OR56B4: variants seen among roughly 807,000 people sequenced by gnomAD.
OR56B4 encodes the protein olfactory receptor 56B4.
For synonymous variants in OR56B4, 142 were observed against 149.5 expected (o/e 0.95, Z 0.37); for missense variants, 447 against 384.6 (o/e 1.16, Z -1.36).
rs767134860 is a variant in OR56B4, at chr11:6,108,457, A to G, written c.679A>G (p.Ile227Val). The change falls in exon 1 of 1, where the codon ATC becomes GTC. Residue 227 changes from isoleucine to valine, a missense_variant. Ile to Val is a conservative substitution (Grantham distance 29, BLOSUM62 3). Transcript: ENST00000316529. ...TCTGGTATTTTCTTCCTATGCTGTAATCCTTCACTCTGTGCTGAGGCTGAA... is the reference window on the plus strand; with the variant it reads ...TCTGGTATTTTCTTCCTATGCTGTAGTCCTTCACTCTGTGCTGAGGCTGAA... ...MALVFSSYAV[I>V]LHSVLRLNSA... 9.3e-6 allele frequency: 15 copies of G among 1,614,034 alleles called. No individual in the cohort carries two copies. Among genetic ancestry groups the G allele is most frequent in the Admixed American group, 1.7e-5 (1 of 60,004 alleles).
At position 6,108,189 on chromosome 11, in the gene OR56B4, G is replaced by T; in HGVS notation, c.411G>T (p.Gln137His). ...ACATAGCCATCTGTCGCCCTCTTCA[G>T]TACCCCTCCATAGTCACTAAAGCTT... is the stretch of plus-strand genomic sequence containing the variant. ...DRYIAICRPL[Q>H]YPSIVTKAFV... Residue 137 changes from glutamine to histidine, a missense_variant, in exon 1 of 1, where the codon CAG (glutamine) becomes CAT (histidine). Physicochemically the swap from Gln to His is conservative, Grantham distance 24. Coordinates refer to ENST00000316529, the MANE Select transcript of OR56B4 (RefSeq NM_001005181.2). 1.9e-6 allele frequency: 3 copies of T among 1,614,124 alleles called. No homozygotes were observed. In the South Asian group the frequency reaches 3.3e-5, roughly 18 times the overall value.
In OR56B4 at chr11:6,108,108, C is replaced by T. The variant is rs1055207518; in HGVS notation, c.330C>T (p.Ile110=). 17 of 1,613,960 alleles carry T rather than the reference C, an allele frequency of 1.1e-5. No individual in the cohort carries two copies. Among genetic ancestry groups the T allele is most frequent in the Non-Finnish European group, 1.4e-5 (16 of 1,180,004 alleles). The change falls in exon 1 of 1, where the codon ATC becomes ATT. Residue 110 remains isoleucine, a synonymous_variant. Transcript: ENST00000316529. ...LPMCFAQIYA[I]HCFFCIESGI... The stretch of plus-strand genomic sequence containing the variant: ...TGTGTTTTGCTCAGATCTATGCCAT[C>T]CACTGCTTCTTCTGCATAGAGTCAG...
Position 6,108,831 on chromosome 11 carries a change from C to A in OR56B4, c.*93C>A, listed in dbSNP as rs1849033204. 7.6e-6 allele frequency: 9 copies of A among 1,186,102 alleles called. No homozygotes were observed. The highest frequency in any genetic ancestry group is 1.1e-5 in the Non-Finnish European group (9 of 840,354). The allele number at this position is 1,186,102 out of a possible 1,614,324, so 73.5% of individuals were successfully genotyped here. On this transcript the variant is annotated 3_prime_UTR_variant, in exon 1 of 1. Coordinates refer to ENST00000316529, the MANE Select transcript of OR56B4 (RefSeq NM_001005181.2). ...TTATAATCTGCACTTACCACACTCC[C>A]TAGGAAAAAAATGGCCAATAAAATC...
chr11:6,108,016 GCCA>G lies in OR56B4; in HGVS notation c.245_247del (p.Thr82del), dbSNP rs1564832184. On this transcript the variant is annotated inframe_deletion, in exon 1 of 1. Coordinates refer to ENST00000316529, the MANE Select transcript of OR56B4 (RefSeq NM_001005181.2). ...ATTAGCAGTGGTGGACATTGGCCTG[GCCA>G]CCACCATCATGCCCAAGATCCTGGC... 1 of 1,614,040 alleles carries G rather than the reference GCCA, an allele frequency of 6.2e-7. No individual in the cohort carries two copies.
Position 6,107,977 on chromosome 11 carries a change from C to T in OR56B4, c.199C>T (p.His67Tyr). The T allele has an allele frequency of 1.9e-6, 3 of 1,614,000 alleles. No individual in the cohort carries two copies. Among genetic ancestry groups the T allele is most frequent in the Non-Finnish European group, 2.5e-6 (3 of 1,179,944 alleles). ...HETVLHEPMY[H>Y]LLGILAVVDI... Reference sequence around the variant, plus strand: ...GACCGTGCTACATGAACCCATGTACCATTTGCTGGGCATATTAGCAGTGGT... The same window carrying T: ...GACCGTGCTACATGAACCCATGTACTATTTGCTGGGCATATTAGCAGTGGT... The change falls in exon 1 of 1, where the codon CAT (histidine) becomes TAT (tyrosine). Residue 67 changes from histidine to tyrosine, a missense_variant. Physicochemically the swap from His to Tyr is moderately conservative, Grantham distance 83. Coordinates refer to ENST00000316529, the MANE Select transcript of OR56B4 (RefSeq NM_001005181.2).
In OR56B4 at chr11:6,107,777, C is replaced by G; in HGVS notation, c.-2C>G. 1.1e-5 allele frequency: 17 copies of G among 1,604,046 alleles called. 1 individual carries two copies. The highest frequency in any genetic ancestry group is 1.4e-5 in the Non-Finnish European group (16 of 1,174,308). Reference sequence around the variant, plus strand: ...AGACACTGAGACTGAGGCACCCATTCCATGGATACCTCCACCAGTGTTACC... The same window carrying G: ...AGACACTGAGACTGAGGCACCCATTGCATGGATACCTCCACCAGTGTTACC... On this transcript the variant is annotated 5_prime_UTR_variant, in exon 1 of 1. Transcript: ENST00000316529.
rs1410141046 is a variant in OR56B4 at position 6,108,010 on chromosome 11, G to A, written c.232G>A (p.Gly78Ser). The change falls in exon 1 of 1, where the codon GGC (glycine) becomes AGC (serine). Residue 78 changes from glycine to serine, a missense_variant. Transcript: ENST00000316529. The part of the protein sequence containing the change: ...LLGILAVVDI[G>S]LATTIMPKIL... ...GGGCATATTAGCAGTGGTGGACATTGGCCTGGCCACCACCATCATGCCCAA... is the reference window on the plus strand; with the variant it reads ...GGGCATATTAGCAGTGGTGGACATTAGCCTGGCCACCACCATCATGCCCAA... The A allele has an allele frequency of 6.2e-7, 1 of 1,613,912 alleles. No individual in the cohort carries two copies. Among genetic ancestry groups the A allele is most frequent in the Admixed American group, 1.7e-5 (1 of 60,002 alleles).
rs1346285883 is a variant in OR56B4 at position 6,108,471 on chromosome 11, G to C, written c.693G>C (p.Val231=). 2 of 1,614,068 alleles carry C rather than the reference G, an allele frequency of 1.2e-6. No homozygotes were observed. Among genetic ancestry groups the C allele is most frequent in the Admixed American group, 3.3e-5 (2 of 60,010 alleles). ...FSSYAVILHS[V]LRLNSAEAMS... ...CCTATGCTGTAATCCTTCACTCTGT[G>C]CTGAGGCTGAACTCAGCAGAAGCAA... The change falls in exon 1 of 1, where the codon GTG becomes GTC. Residue 231 remains valine (V), a synonymous_variant. Transcript: ENST00000316529.
rs749350316 is a variant in OR56B4, at chr11:6,108,305, C to T, written c.527C>T (p.Ser176Phe). 6.2e-7 allele frequency: 1 copy of T among 1,614,168 alleles called. No homozygotes were observed. The highest frequency in any genetic ancestry group is 2.2e-5 in the East Asian group (1 of 44,888). Residue 176 changes from serine (S) to phenylalanine (F), a missense_variant, in exon 1 of 1, where the codon TCC becomes TTC. Coordinates refer to ENST00000316529, the MANE Select transcript of OR56B4 (RefSeq NM_001005181.2). The stretch of plus-strand genomic sequence containing the variant: ...CTGGCTGCCCAGAGACACTACTGTT[C>T]CAGGAATGAAATCGAGCACTGCCTC... Reference protein sequence around the residue: ...PILAAQRHYCSRNEIEHCLCS... With the variant: ...PILAAQRHYCFRNEIEHCLCS...
In OR56B4 at chr11:6,108,235, T is replaced by C; in HGVS notation, c.457T>C (p.Phe153Leu). The change falls in exon 1 of 1, where the codon TTC becomes CTC. Residue 153 changes from phenylalanine to leucine, a missense_variant. Coordinates refer to ENST00000316529, the MANE Select transcript of OR56B4 (RefSeq NM_001005181.2). ...TKAFVFKATG[F>L]IMLRNGLLTI... Reference sequence around the variant, plus strand: ...AGCTTTTGTCTTCAAAGCCACAGGGTTCATCATGCTCAGGAATGGCCTGTT... The same window carrying C: ...AGCTTTTGTCTTCAAAGCCACAGGGCTCATCATGCTCAGGAATGGCCTGTT... 1.2e-6 allele frequency: 2 copies of C among 1,614,146 alleles called. No individual in the cohort carries two copies. Among genetic ancestry groups the C allele is most frequent in the Non-Finnish European group, 1.7e-6 (2 of 1,180,030 alleles).
Position 6,107,969 on chromosome 11 carries a change from C to A in OR56B4, c.191C>A (p.Pro64His). 2 of 1,613,372 alleles carry A rather than the reference C, an allele frequency of 1.2e-6. No homozygotes were observed. The highest frequency in any genetic ancestry group is 1.7e-6 in the Non-Finnish European group (2 of 1,179,342). The change falls in exon 1 of 1, where the codon CCC (proline) becomes CAC (histidine). Residue 64 changes from proline to histidine, a missense_variant. Physicochemically the swap from Pro to His is moderately conservative, Grantham distance 77. Coordinates refer to ENST00000316529, the MANE Select transcript of OR56B4 (RefSeq NM_001005181.2). ...TIQHETVLHE[P>H]MYHLLGILAV... ...CAACATGAGACCGTGCTACATGAAC[C>A]CATGTACCATTTGCTGGGCATATTA...
At position 6,107,949 on chromosome 11, in the gene OR56B4, T is replaced by C; in HGVS notation, c.171T>C (p.His57=). 6.2e-7 allele frequency: 1 copy of C among 1,613,918 alleles called. No homozygotes were observed. The highest frequency in any genetic ancestry group is 8.5e-7 in the Non-Finnish European group (1 of 1,179,866). Residue 57 remains histidine, a synonymous_variant, in exon 1 of 1, where the codon CAT becomes CAC. Transcript: ENST00000316529. ...ANLLIIITIQ[H]ETVLHEPMYH... is the part of the protein sequence containing the mutation. ...TCCTCATCATAATCACCATTCAACA[T>C]GAGACCGTGCTACATGAACCCATGT...
chr11:6,108,596 T>C lies in OR56B4; in HGVS notation c.818T>C (p.Ile273Thr), dbSNP rs751700720. ...GTCACACACCTTGCAGAGAAAAAGA[T>C]TCCCCTTATTCCTGTGTTCCTTAAT... ...LSVTHLAEKK[I>T]PLIPVFLNVL... is the part of the protein sequence containing the mutation. Residue 273 changes from isoleucine to threonine, a missense_variant, in exon 1 of 1, where the codon ATT becomes ACT. Ile to Thr is a moderately conservative substitution (Grantham distance 89). Coordinates refer to ENST00000316529, the MANE Select transcript of OR56B4 (RefSeq NM_001005181.2). 1.9e-6 allele frequency: 3 copies of C among 1,614,010 alleles called. No individual in the cohort carries two copies. In the South Asian group the frequency reaches 3.3e-5, roughly 18 times the overall value.
Position 6,108,640 on chromosome 11 carries a change from C to T in OR56B4, c.862C>T (p.Pro288Ser), listed in dbSNP as rs770252407. Residue 288 changes from proline to serine, a missense_variant, in exon 1 of 1, where the codon CCC becomes TCC. Physicochemically the swap from Pro to Ser is moderately conservative, Grantham distance 74 (BLOSUM62 -1). Coordinates refer to ENST00000316529, the MANE Select transcript of OR56B4 (RefSeq NM_001005181.2). ...CCTTAATGTGCTGCACAATGTCATC[C>T]CCCCTGCACTCAACCCCCTGGCCTG... ...VFLNVLHNVI[P>S]PALNPLACAL... The T allele has an allele frequency of 5.4e-5, 87 of 1,613,938 alleles. No homozygotes were observed. Among genetic ancestry groups the T allele is most frequent in the East Asian group, 8.9e-5 (4 of 44,888 alleles).
chr11:6,107,859 T>G lies in OR56B4; in HGVS notation c.81T>G (p.His27Gln), dbSNP rs1223694053. ...TCCTGATGGGATTACCAGGCATTCA[T>G]GAGTGGCAGCACTGGCTCTCCCTGC... ...QFILMGLPGI[H>Q]EWQHWLSLPL... Residue 27 changes from histidine to glutamine, a missense_variant, in exon 1 of 1, where the codon CAT (histidine) becomes CAG (glutamine). Coordinates refer to ENST00000316529, the MANE Select transcript of OR56B4 (RefSeq NM_001005181.2). 6.2e-7 allele frequency: 1 copy of G among 1,614,042 alleles called. No homozygotes were observed. Among genetic ancestry groups the G allele is most frequent in the African/African-American group, 1.3e-5 (1 of 74,938 alleles).
chr11:6,107,812 A>C lies in OR56B4; in HGVS notation c.34A>C (p.Ser12Arg). 6.2e-7 allele frequency: 1 copy of C among 1,613,510 alleles called. No individual in the cohort carries two copies. The highest frequency in any genetic ancestry group is 8.5e-7 in the Non-Finnish European group (1 of 1,179,600). The change falls in exon 1 of 1, where the codon AGC becomes CGC. Residue 12 changes from serine to arginine, a missense_variant. Transcript: ENST00000316529. Reference sequence around the variant, plus strand: ...CTCCACCAGTGTTACCTATGACTCCAGCCTCCAGATTTCCCAGTTCATCCT... The same window carrying C: ...CTCCACCAGTGTTACCTATGACTCCCGCCTCCAGATTTCCCAGTTCATCCT... ...DTSTSVTYDS[S>R]LQISQFILMG...
At position 6,108,786 on chromosome 11, in the gene OR56B4, T is replaced by C; in HGVS notation, c.*48T>C. On this transcript the variant is annotated 3_prime_UTR_variant, in exon 1 of 1. Coordinates refer to ENST00000316529, the MANE Select transcript of OR56B4 (RefSeq NM_001005181.2). ...AGATGTTAGGAAATGACAGAGGTTT[T>C]AGTTCTCAATAGATCAGGGTTATAA... 1.9e-6 allele frequency: 3 copies of C among 1,571,250 alleles called. No homozygotes were observed. Among genetic ancestry groups the C allele is most frequent in the East Asian group, 2.2e-5 (1 of 44,560 alleles).
rs1445496212 is a variant in OR56B4, at chr11:6,107,710, CCT to C, written c.-68_-67del. 2.0e-6 allele frequency: 3 copies of C among 1,469,490 alleles called. No homozygotes were observed. The African/African-American group carries it at 4.2e-5, about 20-fold the overall frequency. 91.0% of individuals were successfully genotyped at this position (1,469,490 alleles called of 1,614,324 possible). A position where few individuals can be genotyped will look rare whatever the true frequency, so the allele number is the denominator to read the frequency against. ...CAGGCATGAACCACGATGCTCAGCCCCTTAGCTGAACTTTTAAACAGAGATTT... is the reference window on the plus strand; with the variant it reads ...CAGGCATGAACCACGATGCTCAGCCCTAGCTGAACTTTTAAACAGAGATTT... On this transcript the variant is annotated 5_prime_UTR_variant, in exon 1 of 1. The change creates a premature stop within an existing upstream ORF in the 5' untranslated region. Coordinates refer to ENST00000316529, the MANE Select transcript of OR56B4 (RefSeq NM_001005181.2).
At position 6,107,888 on chromosome 11, in the gene OR56B4, T is replaced by C. The variant is rs777838525; in HGVS notation, c.110T>C (p.Leu37Pro). The change falls in exon 1 of 1, where the codon CTG (leucine) becomes CCG (proline). Residue 37 changes from leucine to proline, a missense_variant. Leu to Pro is a moderately conservative substitution (Grantham distance 98). Coordinates refer to ENST00000316529, the MANE Select transcript of OR56B4 (RefSeq NM_001005181.2). Reference sequence around the variant, plus strand: ...TGGCAGCACTGGCTCTCCCTGCCCCTGACTCTGCTCTACCTCTTAGCTCTT... The same window carrying C: ...TGGCAGCACTGGCTCTCCCTGCCCCCGACTCTGCTCTACCTCTTAGCTCTT... ...HEWQHWLSLP[L>P]TLLYLLALGA... is the part of the protein sequence containing the mutation. The C allele has an allele frequency of 1.2e-5, 20 of 1,614,044 alleles. No homozygotes were observed. Among genetic ancestry groups the C allele is most frequent in the East Asian group, 2.2e-5 (1 of 44,896 alleles).
Sources: allele counts gnomAD v4.1 joint callset, GRCh38; gene constraint gnomAD v4.1.1; transcripts MANE v1.5; gene names NCBI Gene and HGNC (gene_info 2026-07-23, HGNC 2026-07-21).